CSGALNACT1: variants seen among roughly 807,000 people sequenced by gnomAD.
The protein encoded by CSGALNACT1 is chondroitin sulfate N-acetylgalactosaminyltransferase 1, also known as beta4GalNAcT-1.
A neutral mutation model predicts 51.0 loss-of-function variants in CSGALNACT1; 52 were observed. The ratio of observed to expected loss-of-function variants is 1.02; its 90% CI spans 0.82 to 1.29. The LOEUF (loss-of-function observed/expected upper bound fraction) is 1.29. Ranked by LOEUF, CSGALNACT1 falls within the 50% of genes most tolerant of loss-of-function variation. The pLI, the probability that CSGALNACT1 is intolerant of heterozygous loss-of-function variation, is 0.00. For missense variants in CSGALNACT1, 935 were observed against 679.2 expected (o/e 1.38, Z -4.19); for synonymous variants, 341 against 254.4 (o/e 1.34, Z -3.24).
At chr8:19,597,716 G>C (rs886298292) in intron 2 of CSGALNACT1, among the ~76,000 whole-genome samples, 5 of 152,230 alleles carry the variant, frequency 3.3e-5, no homozygotes, top group Non-Finnish European at 5.9e-5. Flanking sequence ...GTAGGGGAAA[G>C]GCTGGTACAC....
chr8:19,546,789 C>T (rs756577331), intron 3 of CSGALNACT1, among the ~76,000 whole-genome samples: 1 of 152,312 alleles, frequency 6.6e-6, no homozygotes, highest in Non-Finnish European at 1.5e-5. Flanking sequence ...ACACAGGTGA[C>T]TAGGAAGGCT....
At chr8:19,624,287 T>C (rs1449909721) in intron 1 of CSGALNACT1, among the ~76,000 whole-genome samples, 2 of 152,162 alleles carry the variant, frequency 1.3e-5, no homozygotes, top group East Asian at 3.9e-4. Context: ...ATTATATACA[T>C]AAAACCCACA....
In CSGALNACT1 at chr8:19,699,706, T is replaced by C. The variant is rs554228103; in HGVS notation, c.-297+58144A>G. Among the ~76,000 whole-genome samples, 116 of 152,324 alleles carry C rather than the reference T, an allele frequency of 7.6e-4. No individual in the cohort carries two copies. In the South Asian group the frequency reaches 0.024, roughly 31 times the overall value. ...CAAGATGAAGAGTTCTAGAAATGGATGGCAGTGATGGTTACAAAAGAATGT... is the reference window on the plus strand; with the variant it reads ...CAAGATGAAGAGTTCTAGAAATGGACGGCAGTGATGGTTACAAAAGAATGT... On this transcript the variant is annotated intron_variant, in intron 1 of 1. Coordinates refer to the CSGALNACT1 transcript ENST00000517494.
intron 1 of CSGALNACT1, among the ~76,000 whole-genome samples, chr8:19,670,650 C>CCAAAA (rs2059722652): frequency 1.1e-5 from 1 of 92,848 alleles, no homozygotes; most frequent in African/African-American, 4.2e-5. Flanking sequence ...CTACTGAAGA[C>CCAAAA]AAAAAAAAAA....
At chr8:19,676,447 C>T (rs1159711680) in intron 1 of CSGALNACT1, among the ~76,000 whole-genome samples, 1 of 152,148 alleles carries the variant, frequency 6.6e-6, no homozygotes, top group Non-Finnish European at 1.5e-5. Context: ...TTCACGGAAT[C>T]GTCTTGAAGC....
At chr8:19,747,611 T>C (rs930733264) in intron 1 of CSGALNACT1, among the ~76,000 whole-genome samples, 1 of 152,220 alleles carries the variant, frequency 6.6e-6, no homozygotes, top group South Asian at 2.1e-4. Flanking sequence ...TATTTTCTGC[T>C]CAGATTTCGG....
chr8:19,633,201 C>G (rs1243491530), intron 1 of CSGALNACT1, among the ~76,000 whole-genome samples: 3 of 152,134 alleles, frequency 2.0e-5, no homozygotes, highest in Non-Finnish European at 2.9e-5. Context: ...AAGAGGGCTT[C>G]CCCAGGTCGT....
chr8:19,600,134 G>C (rs1161293517), intron 2 of CSGALNACT1, among the ~76,000 whole-genome samples: 1 of 152,112 alleles, frequency 6.6e-6, no homozygotes, highest in Non-Finnish European at 1.5e-5. Flanking sequence ...CCAGGCTGGA[G>C]TGCAATGGCG....
chr8:19,517,743 T>C (rs763088469), intron 3 of CSGALNACT1, among the ~76,000 whole-genome samples: 2 of 152,234 alleles, frequency 1.3e-5, no homozygotes, highest in Non-Finnish European at 1.5e-5. Context: ...CTGAGACTTA[T>C]TCACTATCAG....
chr8:19,454,237 A>G (rs1027670968), intron 5 of CSGALNACT1, among the ~76,000 whole-genome samples: 1 of 152,238 alleles, frequency 6.6e-6, no homozygotes, highest in Non-Finnish European at 1.5e-5. Context: ...TGACCATACA[A>G]TATAGCCAAC....
intron 1 of CSGALNACT1, among the ~76,000 whole-genome samples, chr8:19,718,328 CTGAACTCAAG>C (rs2062929008): frequency 6.6e-6 from 1 of 152,118 alleles, no homozygotes; most frequent in Admixed American, 6.5e-5. Context: ...TCTTGAACTC[CTGAACTCAAG>C]TGATCCACCC....
At chr8:19,690,560 A>AT (rs1396443885) in intron 1 of CSGALNACT1, among the ~76,000 whole-genome samples, 10 of 152,184 alleles carry the variant, frequency 6.6e-5, no homozygotes, top group Non-Finnish European at 1.5e-4. Flanking sequence ...TATAAAACAG[A>AT]TTTTTTTCCT....
intron 1 of CSGALNACT1, among the ~76,000 whole-genome samples, chr8:19,681,381 T>C (rs1435633464): frequency 6.6e-6 from 1 of 151,886 alleles, no homozygotes; most frequent in African/African-American, 2.4e-5. Context: ...AAGGGGGAAA[T>C]GGTGCATCTG....
At chr8:19,689,770 AGAGAGAT>A (rs1263171980) in intron 1 of CSGALNACT1, among the ~76,000 whole-genome samples, 2 of 152,226 alleles carry the variant, frequency 1.3e-5, no homozygotes, top group Non-Finnish European at 2.9e-5. Context: ...AAATCAAGAG[AGAGAGAT>A]GCTAGTTAAA....
chr8:19,466,021 C>G (rs1245769707), intron 4 of CSGALNACT1, among the ~76,000 whole-genome samples: 1 of 152,218 alleles, frequency 6.6e-6, no homozygotes, highest in Non-Finnish European at 1.5e-5. Flanking sequence ...CACACCTACC[C>G]TTACAGAATT....
rs79738717 is a variant in CSGALNACT1 at position 19,698,598 on chromosome 8, T to C, written c.-297+59252A>G. 8.9e-3 allele frequency among the ~76,000 whole-genome samples: 1,351 copies of C among 152,320 alleles called. 24 individuals carry two copies. The highest frequency in any genetic ancestry group is 0.031 in the African/African-American group (1,296 of 41,562). ...GAAGTTAATCTGGAGGCACTACTGA[T>C]ACTGCTTTAAAACTTACCTATGTAC... On this transcript the variant is annotated intron_variant, in intron 1 of 1. Coordinates refer to the CSGALNACT1 transcript ENST00000517494.
chr8:19,541,102 T>C (rs1410958591), intron 3 of CSGALNACT1, among the ~76,000 whole-genome samples: 1 of 152,028 alleles, frequency 6.6e-6, no homozygotes, highest in East Asian at 1.9e-4. Flanking sequence ...TTTTTTTTAA[T>C]GGAGTCTTGC....
At chr8:19,692,202 G>T (rs549333875) in intron 1 of CSGALNACT1, among the ~76,000 whole-genome samples, 1 of 152,104 alleles carries the variant, frequency 6.6e-6, no homozygotes, top group Non-Finnish European at 1.5e-5. Context: ...GAATTATAGG[G>T]ATTACAATTA....
At chr8:19,745,568 C>A (rs1489892837) in intron 1 of CSGALNACT1, among the ~76,000 whole-genome samples, 1 of 152,178 alleles carries the variant, frequency 6.6e-6, no homozygotes, top group Non-Finnish European at 1.5e-5. Context: ...TGGATGTGCA[C>A]AGATGAAGCT....
Sources: gnomAD v4.1 joint callset for allele counts (sites outside exome capture counted in the v4.1 genomes callset) on GRCh38, gnomAD v4.1.1 for gene constraint, MANE v1.5 for transcripts, NCBI Gene and HGNC (gene_info 2026-07-23, HGNC 2026-07-21) for gene names.